Variants in RADIL observed in about 807,000 individuals in gnomAD.
RADIL encodes the protein ras-associating and dilute domain-containing protein.
Under a neutral mutation model 97.6 loss-of-function variants are expected in RADIL, and 99 were observed. The ratio of observed to expected loss-of-function variants is 1.01; its 90% CI spans 0.86 to 1.20. The LOEUF (loss-of-function observed/expected upper bound fraction) is 1.20. RADIL is among the 50% of genes most tolerant of loss of function. The pLI is 0.00. For missense variants in RADIL, 1,765 were observed against 1,498.9 expected (o/e 1.18, Z -2.93); for synonymous variants, 803 against 691.8 (o/e 1.16, Z -2.52).
At position 4,803,736 on chromosome 7, in the gene RADIL, T is replaced by C. The variant is rs528797277; in HGVS notation, c.2309A>G (p.Tyr770Cys). 1.4e-5 allele frequency: 22 copies of C among 1,564,854 alleles called. No individual in the cohort carries two copies. The highest frequency in any genetic ancestry group is 5.4e-5 in the African/African-American group (4 of 73,750). ...AFRSEDVLES[Y>C]ENPPPIVLPS... ...CAGGACGATGGGTGGGGGGTTTTCG[T>C]AGGACTCCAGAACATCCTCTGCAGG... The change falls in exon 11 of 15, where the codon TAC becomes TGC. Residue 770 changes from tyrosine to cysteine, a missense_variant. Transcript: ENST00000399583.
Position 4,834,484 on chromosome 7 carries a change from T to A in RADIL, c.1416+123A>T, listed in dbSNP as rs2115001250. The A allele has an allele frequency of 1.8e-6, 2 of 1,142,268 alleles. No individual in the cohort carries two copies. Among genetic ancestry groups the A allele is most frequent in the East Asian group, 6.4e-5 (2 of 31,258 alleles). The allele number at this position is 1,142,268 out of a possible 1,614,324, so 70.8% of individuals were successfully genotyped here. ...CAGGCAGGGAAAGGCCGCCCTGCGC[T>A]CAGCAGCACAGCACCGTGGGGGTCA... On this transcript the variant is annotated intron_variant, in intron 4 of 14. Transcript: ENST00000399583. The surrounding 1 kb of genome is among the most constrained non-coding windows in gnomAD (Gnocchi z 6.0).
intron 5 of RADIL, among the ~76,000 whole-genome samples, chr7:4,830,320 T>C (rs1477498642): frequency 1.3e-5 from 2 of 152,188 alleles, no homozygotes; most frequent in African/African-American, 4.8e-5. Flanking sequence ...GGTGTCTCTC[T>C]AGGGCCCACT....
rs948919121 is a variant in RADIL at position 4,821,447 on chromosome 7, C to T, written c.1615+947G>A. 7.2e-5 allele frequency among the ~76,000 whole-genome samples: 11 copies of T among 152,336 alleles called. No individual in the cohort carries two copies. The highest frequency in any genetic ancestry group is 2.1e-4 in the South Asian group (1 of 4,824). The stretch of plus-strand genomic sequence containing the variant: ...CACAGTCCTTAGCAGACACATGAGC[C>T]GAAATCCTACCCCGGCTTCCGGGCC... On this transcript the variant is annotated intron_variant, in intron 6 of 14. Transcript: ENST00000399583. The surrounding 1 kb of genome is among the most constrained non-coding windows in gnomAD (Gnocchi z 5.2).
rs960198616 is a variant in RADIL at position 4,836,583 on chromosome 7, C to G, written c.558G>C (p.Arg186Ser). Reference sequence around the variant, plus strand: ...TTCCCTTCGCGCGACTCCGCTGCAGCCTCCGGGCCTGGGCGTTTATCCCTG... The same window carrying G: ...TTCCCTTCGCGCGACTCCGCTGCAGGCTCCGGGCCTGGGCGTTTATCCCTG... ...ITAGINAQAR[R>S]LQRSRAKGTP... Residue 186 changes from arginine to serine, a missense_variant, in exon 3 of 15, where the codon AGG becomes AGC. Physicochemically the swap from Arg to Ser is moderately radical, Grantham distance 110 (BLOSUM62 -1). Transcript: ENST00000399583. 10 of 1,607,328 alleles carry G rather than the reference C, an allele frequency of 6.2e-6. No individual in the cohort carries two copies. The highest frequency in any genetic ancestry group is 7.6e-6 in the Non-Finnish European group (9 of 1,179,582).
chr7:4,816,404 T>C lies in RADIL; in HGVS notation c.1790A>G (p.Glu597Gly). ...CAGTTCGGGGGCCGAGGACCAGCTCTCACGGCGCTCCGTCTGGAATGGCGG... is the reference window on the plus strand; with the variant it reads ...CAGTTCGGGGGCCGAGGACCAGCTCCCACGGCGCTCCGTCTGGAATGGCGG... Reference protein sequence around the residue: ...ECPPFQTERRESWSSAPELPE... With the variant: ...ECPPFQTERRGSWSSAPELPE... Residue 597 changes from glutamate to glycine, a missense_variant, in exon 8 of 15, where the codon GAG becomes GGG. Physicochemically the swap from Glu to Gly is moderately conservative, Grantham distance 98. Transcript: ENST00000399583. 6.2e-7 allele frequency: 1 copy of C among 1,609,278 alleles called. No individual in the cohort carries two copies. Among genetic ancestry groups the C allele is most frequent in the Non-Finnish European group, 8.5e-7 (1 of 1,178,730 alleles).
intron 5 of RADIL, among the ~76,000 whole-genome samples, chr7:4,830,712 T>C (rs1446524944): frequency 6.6e-6 from 1 of 151,800 alleles, no homozygotes; most frequent in Non-Finnish European, 1.5e-5. Flanking sequence ...TCCCCATCTC[T>C]ACTAAAAATA....
intron 2 of RADIL, among the ~76,000 whole-genome samples, chr7:4,852,518 A>C (rs1248893400): frequency 2.0e-5 from 3 of 152,122 alleles, no homozygotes; most frequent in African/African-American, 7.2e-5. Flanking sequence ...GCATGTTCAA[A>C]GCTCACTGCA....
In RADIL at chr7:4,878,596, G is replaced by C. The variant is rs1422992992; in HGVS notation, c.-64-393C>G. On this transcript the variant is annotated intron_variant, in intron 1 of 14. Coordinates refer to ENST00000399583, the MANE Select transcript of RADIL (RefSeq NM_018059.5). The surrounding 1 kb of genome is among the most constrained non-coding windows in gnomAD (Gnocchi z 4.1). Reference sequence around the variant, plus strand: ...TCCTGGCCCCGCAGACCTGACACCAGAGCACCTGAGCAGAGGATGTGGCTG... The same window carrying C: ...TCCTGGCCCCGCAGACCTGACACCACAGCACCTGAGCAGAGGATGTGGCTG... 6.6e-6 allele frequency among the ~76,000 whole-genome samples: 1 copy of C among 152,188 alleles called. No homozygotes were observed. The highest frequency in any genetic ancestry group is 1.5e-5 in the Non-Finnish European group (1 of 68,028).
intron 2 of RADIL, among the ~76,000 whole-genome samples, chr7:4,864,631 A>G (rs1583319531): frequency 1.3e-5 from 2 of 151,804 alleles, no homozygotes; most frequent in Admixed American, 1.3e-4. Flanking sequence ...TTTCTACCCA[A>G]CTCTTGATAC....
chr7:4,862,904 A>T (rs1029203659), intron 2 of RADIL, among the ~76,000 whole-genome samples: 15 of 151,880 alleles, frequency 9.9e-5, no homozygotes, highest in East Asian at 3.9e-4. Flanking sequence ...TCTCAAAAAA[A>T]AAAATAAAAT....
chr7:4,847,754 A>C (rs1459852489), intron 2 of RADIL, among the ~76,000 whole-genome samples: 1 of 150,304 alleles, frequency 6.7e-6, no homozygotes, highest in Non-Finnish European at 1.5e-5. Flanking sequence ...AAAAAAAAAA[A>C]AAAAAAAAAA....
chr7:4,871,295 G>A (rs926007744), intron 2 of RADIL, among the ~76,000 whole-genome samples: 14 of 152,200 alleles, frequency 9.2e-5, no homozygotes, highest in African/African-American at 3.1e-4. Flanking sequence ...GAGTCATAGC[G>A]GAAGAAAAAT....
chr7:4,808,641 C>G, intron 9 of RADIL: 1 of 952,558 alleles, frequency 1.0e-6, no homozygotes, highest in Non-Finnish European at 1.2e-6. Context: ...GTCTCTCCTT[C>G]CAACGCCACT....
chr7:4,840,162 C>T lies in RADIL; in HGVS notation c.536-3557G>A, dbSNP rs1369896680. Among the ~76,000 whole-genome samples, 3 of 152,330 alleles carry T rather than the reference C, an allele frequency of 2.0e-5. No individual in the cohort carries two copies. In the East Asian group the frequency reaches 5.8e-4, roughly 29 times the overall value. On this transcript the variant is annotated intron_variant, in intron 2 of 14. Coordinates refer to ENST00000399583, the MANE Select transcript of RADIL (RefSeq NM_018059.5). The surrounding 1 kb of genome is among the most constrained non-coding windows in gnomAD (Gnocchi z 5.6). ...AGGCTGCGGCAGATGGGACCCAGCA[C>T]TCTGCTCCCAGGGGGTCGGCTGTCA... is the stretch of plus-strand genomic sequence containing the variant.
intron 2 of RADIL, among the ~76,000 whole-genome samples, chr7:4,869,408 C>T (rs1011643281): frequency 2.0e-5 from 3 of 152,234 alleles, no homozygotes; most frequent in Admixed American, 6.5e-5. Flanking sequence ...GCTAGGATTA[C>T]AGGCGTGAGC....
intron 2 of RADIL, among the ~76,000 whole-genome samples, chr7:4,863,216 T>G (rs1472269953): frequency 6.6e-6 from 1 of 152,238 alleles, no homozygotes; most frequent in African/African-American, 2.4e-5. Flanking sequence ...ATACTTATAT[T>G]TCACTATTTT....
At position 4,842,174 on chromosome 7, in the gene RADIL, TAGA is replaced by T. The variant is rs1440960014; in HGVS notation, c.536-5572_536-5570del. Among the ~76,000 whole-genome samples, 2 of 151,900 alleles carry T rather than the reference TAGA, an allele frequency of 1.3e-5. No homozygotes were observed. Among genetic ancestry groups the T allele is most frequent in the African/African-American group, 4.8e-5 (2 of 41,344 alleles). The stretch of plus-strand genomic sequence containing the variant: ...GAAATGTCTGCCTTTGACAATGGGA[TAGA>T]AGGAGTAGAAAGTGCAGGGCGCCGG... On this transcript the variant is annotated intron_variant, in intron 2 of 14. Coordinates refer to ENST00000399583, the MANE Select transcript of RADIL (RefSeq NM_018059.5). The surrounding 1 kb of genome is among the most constrained non-coding windows in gnomAD (Gnocchi z 4.5).
At chr7:4,809,352 T>C (rs1782468203) in intron 9 of RADIL, 2 of 985,312 alleles carry the variant, frequency 2.0e-6, no homozygotes, top group Non-Finnish European at 2.4e-6. Context: ...TTCAACGTTC[T>C]AGAAATATCC....
intron 2 of RADIL, among the ~76,000 whole-genome samples, chr7:4,863,890 C>G (rs1562456269): frequency 6.6e-6 from 1 of 152,232 alleles, no homozygotes. Flanking sequence ...GCCAATGCCT[C>G]TAGGGCGGTT....
Sources: gnomAD v4.1 joint callset for allele counts (sites outside exome capture counted in the v4.1 genomes callset) on GRCh38, gnomAD v4.1.1 for gene constraint, Gnocchi (gnomAD v3.1) non-coding constraint, MANE v1.5 for transcripts, NCBI Gene and HGNC (gene_info 2026-07-23, HGNC 2026-07-21) for gene names.